RPS6KA2: variants seen among roughly 807,000 people sequenced by gnomAD.
The protein encoded by RPS6KA2 is ribosomal protein S6 kinase alpha-2.
RPS6KA2 carries 42 observed loss-of-function variants against 91.8 expected under a neutral mutation model. The observed-to-expected ratio is 0.46, with a 90% CI of 0.36 to 0.59. The LOEUF (loss-of-function observed/expected upper bound fraction) is 0.59. Ranked by LOEUF, RPS6KA2 falls within the 20% of genes least tolerant of loss-of-function variation. The pLI, the probability that RPS6KA2 is intolerant of heterozygous loss-of-function variation, is 0.00. For synonymous variants in RPS6KA2, 414 were observed against 393.6 expected, an observed-to-expected ratio of 1.05 and a Z score of -0.61; for missense variants, 798 against 978.5, an observed-to-expected ratio of 0.82 and a Z score of 2.46.
chr6:166,632,690 A>G (rs1252748651), intron 2 of RPS6KA2, among the ~76,000 whole-genome samples: 1 of 152,220 alleles, frequency 6.6e-6, no homozygotes, highest in African/African-American at 2.4e-5. Context: ...GAGGAAGGAC[A>G]TACAGAAATC....
intron 19 of RPS6KA2, among the ~76,000 whole-genome samples, chr6:166,415,963 CAT>C: frequency 6.8e-6 from 1 of 147,862 alleles, no homozygotes; most frequent in African/African-American, 2.5e-5. Context: ...CCTTCACCAT[CAT>C]CTTCACCATC....
At chr6:166,647,244 C>T (rs12333057) in intron 2 of RPS6KA2, among the ~76,000 whole-genome samples, 9,771 of 152,098 alleles carry the variant, frequency 0.064, 693 homozygotes, top group African/African-American at 0.17. Context: ...CTGATTTCTC[C>T]CCTTTCACGG....
At chr6:166,837,735 G>A (rs568348615) in intron 2 of RPS6KA2, among the ~76,000 whole-genome samples, 22 of 152,312 alleles carry the variant, frequency 1.4e-4, no homozygotes, top group Non-Finnish European at 2.2e-4. Context: ...CCACCTGGCC[G>A]CCCTGCTCCC....
At chr6:166,831,154 A>G (rs1780173424) in intron 2 of RPS6KA2, among the ~76,000 whole-genome samples, 1 of 151,910 alleles carries the variant, frequency 6.6e-6, no homozygotes, top group Non-Finnish European at 1.5e-5. Context: ...GGCCATCCAC[A>G]CTGACAATGC....
At chr6:166,450,958 G>C (rs974830904) in intron 13 of RPS6KA2, 145 bp downstream of exon 13, 3 of 943,556 alleles carry the variant, frequency 3.2e-6, no homozygotes, top group Non-Finnish European at 4.8e-6. Context: ...CAGAACAATG[G>C]GAAGTGTGAG....
In RPS6KA2 at chr6:166,635,886, C is replaced by T. The variant is rs546890624; in HGVS notation, c.124-97102G>A. On this transcript the variant is annotated intron_variant, in intron 2 of 21. Transcript: ENST00000503859. This position sits in a 1 kb window ranked among gnomAD's most constrained non-coding sequence, Gnocchi z 4.8. The stretch of plus-strand genomic sequence containing the variant: ...TAAGTCTGACCCTGCTCGTCTTCTG[C>T]GTCCACTCCAGGACAAGCCACCAAC... Among the ~76,000 whole-genome samples, 12 of 152,256 alleles carry T rather than the reference C, an allele frequency of 7.9e-5. No homozygotes were observed. The highest frequency in any genetic ancestry group is 3.4e-3 in the Middle Eastern group (1 of 294).
intron 2 of RPS6KA2, among the ~76,000 whole-genome samples, chr6:166,643,207 T>G (rs116733401): frequency 0.019 from 2,942 of 152,292 alleles, 102 homozygotes; most frequent in African/African-American, 0.067. Flanking sequence ...AATAAAATCC[T>G]AGACCATATA....
At chr6:166,422,905 C>T (rs988038984) in intron 17 of RPS6KA2, among the ~76,000 whole-genome samples, 15 of 152,150 alleles carry the variant, frequency 9.9e-5, no homozygotes, top group African/African-American at 1.9e-4. Flanking sequence ...CCAGGTGAAC[C>T]GCAGCTCTGC....
chr6:166,716,378 TC>T (rs1158228635), intron 2 of RPS6KA2, among the ~76,000 whole-genome samples: 1 of 152,188 alleles, frequency 6.6e-6, no homozygotes, highest in Non-Finnish European at 1.5e-5. Flanking sequence ...CCGGAGCCTG[TC>T]CCGGCAGCTC....
chr6:166,830,189 T>C (rs1780151447), intron 2 of RPS6KA2, among the ~76,000 whole-genome samples: 1 of 150,846 alleles, frequency 6.6e-6, no homozygotes, highest in Admixed American at 6.6e-5. Flanking sequence ...TCACACATGC[T>C]ACAACATGGA....
chr6:166,763,913 C>T (rs960169273), intron 2 of RPS6KA2, among the ~76,000 whole-genome samples: 13 of 152,328 alleles, frequency 8.5e-5, no homozygotes, highest in South Asian at 4.2e-4. Flanking sequence ...CATGACGGCA[C>T]GGCCGGCCTT....
intron 1 of RPS6KA2, among the ~76,000 whole-genome samples, chr6:166,623,565 G>A (rs933379174): frequency 6.6e-6 from 1 of 152,250 alleles, no homozygotes; most frequent in African/African-American, 2.4e-5. Flanking sequence ...CCAGGTGACG[G>A]TAACTCCAGC....
At chr6:166,860,459 CA>C (rs1781020563) in intron 1 of RPS6KA2, among the ~76,000 whole-genome samples, 1 of 152,310 alleles carries the variant, frequency 6.6e-6, no homozygotes, top group East Asian at 1.9e-4. Context: ...GCATGGTTTT[CA>C]AATCATGGGA....
chr6:166,486,853 A>T (rs1781429438), intron 10 of RPS6KA2, among the ~76,000 whole-genome samples: 1 of 143,100 alleles, frequency 7.0e-6, no homozygotes, highest in Non-Finnish European at 1.5e-5. Context: ...GAGACGTTTG[A>T]TCATCACGGG....
At chr6:166,862,303 C>A in exon 1 of RPS6KA2, 1 of 1,555,446 alleles carries the variant, frequency 6.4e-7, no homozygotes, top group Non-Finnish European at 8.7e-7. Context: ...CGGGTGGCGG[C>A]GATGGAGAGG....
chr6:166,806,476 A>G (rs532404282), intron 2 of RPS6KA2, among the ~76,000 whole-genome samples: 1 of 152,364 alleles, frequency 6.6e-6, no homozygotes, highest in African/African-American at 2.4e-5. Context: ...TAATATATTC[A>G]AAGTGCTAAA....
chr6:166,759,250 A>G (rs1305181170), intron 2 of RPS6KA2, among the ~76,000 whole-genome samples: 1 of 152,246 alleles, frequency 6.6e-6, no homozygotes, highest in Non-Finnish European at 1.5e-5. Flanking sequence ...AGAACCTATA[A>G]TGTAACATTT....
intron 2 of RPS6KA2, among the ~76,000 whole-genome samples, chr6:166,785,135 TGAC>T (rs2128612041): frequency 6.6e-6 from 1 of 152,386 alleles, no homozygotes; most frequent in African/African-American, 2.4e-5. Context: ...TGGAGAGCAC[TGAC>T]TAGTACAATC....
At chr6:166,748,249 C>T (rs905191620) in intron 2 of RPS6KA2, among the ~76,000 whole-genome samples, 21 of 152,108 alleles carry the variant, frequency 1.4e-4, no homozygotes, top group Non-Finnish European at 2.8e-4. Flanking sequence ...GAGGGCAGCC[C>T]GGGAGGGAGT....
Sources: gnomAD v4.1 joint callset for allele counts (sites outside exome capture counted in the v4.1 genomes callset) on GRCh38, gnomAD v4.1.1 for gene constraint, Gnocchi (gnomAD v3.1) non-coding constraint, MANE v1.5 for transcripts, NCBI Gene and HGNC (gene_info 2026-07-23, HGNC 2026-07-21) for gene names.